The following NLGN4X variants were observed in gnomAD, a reference collection of about 807,000 sequenced individuals.
The protein encoded by NLGN4X is neuroligin-4, X-linked.
In NLGN4X, 3 loss-of-function variants were observed where a neutral mutation model predicts 40.3. The observed-to-expected ratio is 0.07, with a 90% CI of 0.03 to 0.19. NLGN4X has a LOEUF of 0.19. Ranked by LOEUF, NLGN4X falls within the 10% of genes least tolerant of loss-of-function variation. NLGN4X has a pLI of 1.00. For synonymous variants in NLGN4X, 270 were observed against 306.8 expected, an observed-to-expected ratio of 0.88 and a Z score of 1.25; for missense variants, 382 against 708.3, an observed-to-expected ratio of 0.54 and a Z score of 5.23.
Position 6,164,867 on chromosome X carries a change from G to C in NLGN4X, c.-305-13096C>G, listed in dbSNP as rs1005869113. 3.6e-5 allele frequency among the ~76,000 whole-genome samples: 4 copies of C among 111,331 alleles called. No homozygotes were observed. The South Asian group carries it at 1.5e-3, about 42-fold the overall frequency. ...AAGTTCCTATTTCGGTGTGATGCTT[G>C]CTCTGGCAGCCTACACTCTTTTCTC... On this transcript the variant is annotated intron_variant, in intron 1 of 5. Transcript: ENST00000381095.
At chrX:5,897,428 TAG>T (rs1464582205) in intron 5 of NLGN4X, among the ~76,000 whole-genome samples, 1 of 111,723 alleles carries the variant, frequency 9.0e-6, no homozygotes, top group Non-Finnish European at 1.9e-5. Context: ...TTTGAAACTT[TAG>T]AGTTAGTTTT....
chrX:6,026,691 T>C (rs971649137), intron 3 of NLGN4X, among the ~76,000 whole-genome samples: 5 of 111,775 alleles, frequency 4.5e-5, no homozygotes, highest in Non-Finnish European at 9.4e-5. Flanking sequence ...CACTAGCTCA[T>C]TGGAGGAATG....
chrX:5,982,563 A>G (rs1021347297), intron 3 of NLGN4X, among the ~76,000 whole-genome samples: 8 of 112,418 alleles, frequency 7.1e-5, no homozygotes, highest in African/African-American at 2.6e-4. Context: ...TTCTTATTGA[A>G]AATGGATTGT....
chrX:6,072,345 T>C (rs2038084985), intron 2 of NLGN4X, among the ~76,000 whole-genome samples: 1 of 111,357 alleles, frequency 9.0e-6, no homozygotes, highest in Non-Finnish European at 1.9e-5. Context: ...TCGTGAGGTT[T>C]ACGTTTTACC....
rs180781953 is a variant in NLGN4X at position 6,092,041 on chromosome X, T to A, written c.472+58954A>T. Among the ~76,000 whole-genome samples, 4 of 107,256 alleles carry A rather than the reference T, an allele frequency of 3.7e-5. No individual in the cohort carries two copies. The East Asian group carries it at 1.2e-3, about 31-fold the overall frequency. 93.1% of individuals were successfully genotyped at this position (107,256 alleles called of 115,157 possible). On this transcript the variant is annotated intron_variant, in intron 2 of 5. Coordinates refer to ENST00000381095, the MANE Select transcript of NLGN4X (RefSeq NM_181332.3). ...CCTCCCTCCCTCATTCCTTCCTGTT[T>A]TTCCATTGGTGAAACCTTCTCAAAG...
At chrX:5,965,536 G>C (rs1211299925) in intron 3 of NLGN4X, among the ~76,000 whole-genome samples, 1 of 112,020 alleles carries the variant, frequency 8.9e-6, no homozygotes, top group Non-Finnish European at 1.9e-5. Context: ...TTCTAAGAGA[G>C]ACTGTCAAGA....
chrX:5,935,529 A>G (rs747418908), intron 3 of NLGN4X, among the ~76,000 whole-genome samples: 9 of 112,072 alleles, frequency 8.0e-5, no homozygotes, highest in Non-Finnish European at 1.5e-4. Flanking sequence ...AACCACTTAA[A>G]CAGTTTTTAA....
intron 3 of NLGN4X, among the ~76,000 whole-genome samples, chrX:5,967,084 G>A (rs911640287): frequency 9.9e-5 from 11 of 111,554 alleles, no homozygotes; most frequent in African/African-American, 3.6e-4. Context: ...TTGGTCTGTT[G>A]TCTGAGAAAA....
intron 1 of NLGN4X, among the ~76,000 whole-genome samples, chrX:6,155,479 C>T (rs1161595549): frequency 5.4e-5 from 6 of 111,542 alleles, no homozygotes; most frequent in Non-Finnish European, 1.1e-4. Flanking sequence ...TTTTAGGGTA[C>T]CTGAGTGGGA....
chrX:6,089,855 G>A (rs1006046193), intron 2 of NLGN4X, among the ~76,000 whole-genome samples: 4 of 111,921 alleles, frequency 3.6e-5, no homozygotes, highest in African/African-American at 9.7e-5. Flanking sequence ...TATGGCCTGG[G>A]ACAAGCTGAG....
At chrX:5,930,144 G>A (rs114006885) in intron 3 of NLGN4X, among the ~76,000 whole-genome samples, 5,124 of 111,944 alleles carry the variant, frequency 0.046, 299 homozygotes, top group African/African-American at 0.16. Flanking sequence ...CCATATTTAT[G>A]GGTGGTATGC....
At chrX:5,923,279 T>A (rs1010794418) in intron 3 of NLGN4X, among the ~76,000 whole-genome samples, 5 of 112,122 alleles carry the variant, frequency 4.5e-5, no homozygotes, top group African/African-American at 1.6e-4. Flanking sequence ...TAGCTGGGAA[T>A]ACACACTTGT....
Position 5,911,720 on chromosome X carries a change from A to T in NLGN4X, c.626-2481T>A, listed in dbSNP as rs763921960. Among the ~76,000 whole-genome samples the T allele has an allele frequency of 2.7e-5, 3 of 112,124 alleles. No homozygotes were observed. The East Asian group carries it at 8.4e-4, about 32-fold the overall frequency. On this transcript the variant is annotated intron_variant, in intron 3 of 5. Coordinates refer to ENST00000381095, the MANE Select transcript of NLGN4X (RefSeq NM_181332.3). ...CAATAATTTTATGCTCTTTAAGAGT[A>T]TAGTCCTTTCACCTTGAAACCACCT...
chrX:6,207,750 T>C (rs752012437), intron 1 of NLGN4X, among the ~76,000 whole-genome samples: 4 of 111,992 alleles, frequency 3.6e-5, no homozygotes, highest in African/African-American at 1.3e-4. Context: ...TTTATTAACA[T>C]TGGAATAAAA....
intron 1 of NLGN4X, among the ~76,000 whole-genome samples, chrX:6,179,159 G>A (rs1921154756): frequency 1.0e-5 from 1 of 96,246 alleles, no homozygotes; most frequent in Admixed American, 1.1e-4. Context: ...TTTTTTGGTA[G>A]GGGAGTATGT....
At chrX:6,001,763 T>C (rs2035976755) in intron 3 of NLGN4X, among the ~76,000 whole-genome samples, 1 of 109,260 alleles carries the variant, frequency 9.2e-6, no homozygotes, top group Admixed American at 9.9e-5. Flanking sequence ...GGAAGGTAAA[T>C]AAGCTACTGA....
intron 5 of NLGN4X, among the ~76,000 whole-genome samples, chrX:5,898,657 C>T (rs192689654): frequency 1.0e-3 from 116 of 111,315 alleles, no homozygotes; most frequent in African/African-American, 3.6e-3. Context: ...CCTTTCTCCA[C>T]GGCACCGTGT....
intron 3 of NLGN4X, among the ~76,000 whole-genome samples, chrX:6,004,422 T>C (rs1478361996): frequency 8.9e-6 from 1 of 111,930 alleles, no homozygotes; most frequent in East Asian, 2.8e-4. Flanking sequence ...CTTTTCCTCA[T>C]ATACTAGATG....
intron 4 of NLGN4X, 69 bp downstream of exon 4, chrX:5,908,985 T>A: frequency 8.8e-7 from 1 of 1,132,539 alleles, no homozygotes; most frequent in Non-Finnish European, 1.2e-6. Flanking sequence ...GCATCTGAGA[T>A]ATGAACTCTG....
Sources: gnomAD v4.1 joint callset for allele counts (sites outside exome capture counted in the v4.1 genomes callset) on GRCh38, gnomAD v4.1.1 for gene constraint, MANE v1.5 for transcripts, NCBI Gene and HGNC (gene_info 2026-07-23, HGNC 2026-07-21) for gene names.